BPHL: variants seen among roughly 807,000 people sequenced by gnomAD.
BPHL encodes biphenyl hydrolase like, also known as serine hydrolase BPHL.
In BPHL, 27 loss-of-function variants were observed where a neutral mutation model predicts 31.2. The ratio of observed to expected loss-of-function variants is 0.87; its 90% CI spans 0.64 to 1.19. The LOEUF is 1.19. Among genes scored for constraint, BPHL ranks in the 50% most tolerant of loss-of-function variants. The probability of loss-of-function intolerance (pLI) is 0.00; values close to 1 mark genes in which losing one functional copy is unlikely to be tolerated. For missense variants in BPHL, 356 were observed against 375.7 expected, an observed-to-expected ratio of 0.95 and a Z score of 0.43; for synonymous variants, 150 against 146.8, an observed-to-expected ratio of 1.02 and a Z score of -0.16.
upstream of BPHL, chr6:3,118,585 G>C (rs924669120): frequency 2.0e-6 from 1 of 504,034 alleles, no homozygotes; most frequent in Non-Finnish European, 3.1e-6. Context: ...AAAGCACCCG[G>C]CAGGGCGTGG....
intron 5 of BPHL, chr6:3,139,996 T>C (rs1031291109): frequency 1.4e-5 from 3 of 219,908 alleles, no homozygotes; most frequent in Non-Finnish European, 2.7e-5. Context: ...CCGGGGCCCC[T>C]ACACTCATCT....
Position 3,131,995 on chromosome 6 carries a change from C to T in BPHL, c.532+2797C>T, listed in dbSNP as rs906008260. ...ACTGTCAGCACTTACTCCCTTGCCT[C>T]GGTCACCGCAGTGGGAACTCACTGT... On this transcript the variant is annotated intron_variant, in intron 4 of 6. Transcript: ENST00000380379. Among the ~76,000 whole-genome samples the T allele has an allele frequency of 2.6e-5, 4 of 152,314 alleles. No individual in the cohort carries two copies. The South Asian group carries it at 6.2e-4, about 24-fold the overall frequency.
At position 3,146,111 on chromosome 6, in the gene BPHL, TGGAGTGCTGGTTCGGGTC is replaced by T. The variant is rs1762343189; in HGVS notation, c.788+5620_788+5637del. The stretch of plus-strand genomic sequence containing the variant: ...TGTGGGTTGGAGTGCTGGTTCCGGT[TGGAGTGCTGGTTCGGGTC>T]GGAGTGCTGGTTCGGGTTGGAGTGC... On this transcript the variant is annotated intron_variant, in intron 6 of 6. Transcript: ENST00000380379. Among the ~76,000 whole-genome samples the T allele has an allele frequency of 5.6e-5, 3 of 53,918 alleles. 1 individual carries two copies. The highest frequency in any genetic ancestry group is 4.8e-4 in the East Asian group (1 of 2,088). The allele number at this position is 53,918 out of a possible 152,430, so 35.4% of individuals were successfully genotyped here. A position where few individuals can be genotyped will look rare whatever the true frequency, so the allele number is the denominator to read the frequency against.
rs1761634998 is a variant in BPHL at position 3,123,668 on chromosome 6, CCT to C, written c.122_123del (p.Ser41CysfsTer35). ...TTTTTCTCTTCTAGCACCTCGGTAA[CCT>C]CTGCCAAAGTGGCTGTGAATGGCGT... On this transcript the variant is annotated frameshift_variant, in exon 2 of 7. Transcript: ENST00000380379. LOFTEE classifies it high-confidence loss of function. The C allele has an allele frequency of 6.2e-7, 1 of 1,613,548 alleles. No homozygotes were observed. The highest frequency in any genetic ancestry group is 8.5e-7 in the Non-Finnish European group (1 of 1,179,708).
intron 4 of BPHL, among the ~76,000 whole-genome samples, chr6:3,134,629 G>A (rs1368036262): frequency 5.1e-5 from 7 of 137,350 alleles, no homozygotes; most frequent in Non-Finnish European, 9.5e-5. Flanking sequence ...TTTTTGAGAC[G>A]GAGTCTCGCT....
At chr6:3,132,208 G>A (rs966620207) in intron 4 of BPHL, among the ~76,000 whole-genome samples, 1 of 152,134 alleles carries the variant, frequency 6.6e-6, no homozygotes, top group African/African-American at 2.4e-5. Context: ...CCCCCACCAC[G>A]CACCTCCTCT....
intron 4 of BPHL, among the ~76,000 whole-genome samples, chr6:3,136,609 C>T (rs995977922): frequency 3.9e-5 from 6 of 152,350 alleles, no homozygotes; most frequent in Non-Finnish European, 5.9e-5. Flanking sequence ...GATTGTTGCT[C>T]ATGTGAGTTC....
intron 6 of BPHL, among the ~76,000 whole-genome samples, chr6:3,152,092 TTTC>T (rs1762539642): frequency 6.6e-6 from 1 of 152,228 alleles, no homozygotes; most frequent in Admixed American, 6.5e-5. Context: ...ATTCTGAACA[TTTC>T]TTATTTTTAT....
chr6:3,132,090 T>A (rs188022105), intron 4 of BPHL, among the ~76,000 whole-genome samples: 1 of 152,148 alleles, frequency 6.6e-6, no homozygotes, highest in Non-Finnish European at 1.5e-5. Context: ...CTCTTTACTC[T>A]CTGACGTCTC....
intron 4 of BPHL, among the ~76,000 whole-genome samples, chr6:3,131,443 C>A (rs1433209704): frequency 1.3e-5 from 2 of 152,186 alleles, no homozygotes; most frequent in Non-Finnish European, 2.9e-5. Flanking sequence ...AACTGTGATG[C>A]TTTCTGTTGT....
intron 4 of BPHL, among the ~76,000 whole-genome samples, chr6:3,132,025 A>G (rs61580016): frequency 0.069 from 10,525 of 152,252 alleles, 1,226 homozygotes; most frequent in African/African-American, 0.24. Flanking sequence ...CACTGTGTGC[A>G]GTTGCTCTGA....
At chr6:3,120,907 G>T (rs548794141) in intron 1 of BPHL, among the ~76,000 whole-genome samples, 8 of 152,148 alleles carry the variant, frequency 5.3e-5, no homozygotes, top group Non-Finnish European at 1.5e-5. Context: ...CCCGGTGCCT[G>T]AGCCCTCTTA....
rs544734965 is a variant in BPHL, at chr6:3,152,634, G to A, written c.*59G>A. On this transcript the variant is annotated 3_prime_UTR_variant, in exon 7 of 7. Coordinates refer to ENST00000380379, the MANE Select transcript of BPHL (RefSeq NM_004332.4). ...GTGGGGCTTGATCGTGTTGCTGCCT[G>A]TTAACATGATGCCTTTGAAACTCTC... is the stretch of plus-strand genomic sequence containing the variant. 556 of 1,466,320 alleles carry A rather than the reference G, an allele frequency of 3.8e-4. 3 individuals are homozygous for A. Among genetic ancestry groups the A allele is most frequent in the Middle Eastern group, 3.5e-4 (2 of 5,724 alleles). The allele number at this position is 1,466,320 out of a possible 1,614,324, so 90.8% of individuals were successfully genotyped here.
At chr6:3,134,854 G>A (rs1301374962) in intron 4 of BPHL, among the ~76,000 whole-genome samples, 3 of 151,592 alleles carry the variant, frequency 2.0e-5, no homozygotes, top group East Asian at 1.9e-4. Flanking sequence ...CGCCTGCCTC[G>A]GCCTCCCAAA....
intron 1 of BPHL, among the ~76,000 whole-genome samples, chr6:3,119,088 G>A (rs1761482962): frequency 6.6e-6 from 1 of 151,822 alleles, no homozygotes; most frequent in Admixed American, 6.6e-5. Context: ...GTCTGGAGCC[G>A]TGGAGGCTTG....
intron 4 of BPHL, 110 bp downstream of exon 4, chr6:3,129,308 TC>T: frequency 7.6e-7 from 1 of 1,318,460 alleles, no homozygotes; most frequent in Non-Finnish European, 1.0e-6. Context: ...TGCTTCTAGT[TC>T]TCAACTCTCA....
intron 3 of BPHL, 104 bp from the exon 4 acceptor site, chr6:3,128,941 T>TA: frequency 6.6e-7 from 1 of 1,525,428 alleles, no homozygotes; most frequent in Non-Finnish European, 9.1e-7. Flanking sequence ...GACTAATTGA[T>TA]ACTCCAGCCT....
chr6:3,138,075 A>G (rs1016074857), intron 5 of BPHL: 22 of 1,052,408 alleles, frequency 2.1e-5, no homozygotes, highest in Non-Finnish European at 2.8e-5. Flanking sequence ...CTGGAATGCA[A>G]TGGCATGATC....
intron 1 of BPHL, among the ~76,000 whole-genome samples, chr6:3,121,216 T>C (rs1458992720): frequency 2.0e-5 from 3 of 152,018 alleles, no homozygotes; most frequent in Admixed American, 6.5e-5. Flanking sequence ...GCAAATACTT[T>C]ATTGTAGATA....
Sources: allele counts gnomAD v4.1 joint callset (sites outside exome capture counted in the v4.1 genomes callset), GRCh38; gene constraint gnomAD v4.1.1; transcripts MANE v1.5; gene names NCBI Gene and HGNC (gene_info 2026-07-23, HGNC 2026-07-21).